PDS5A: variants seen among roughly 807,000 people sequenced by gnomAD.
The protein encoded by PDS5A is PDS5 cohesin associated factor A, also known as sister chromatid cohesion protein PDS5 homolog A.
A neutral mutation model predicts 167.1 loss-of-function variants in PDS5A; 42 were observed. The observed-to-expected ratio is 0.25, with a 90% CI of 0.20 to 0.33. The LOEUF (loss-of-function observed/expected upper bound fraction) is 0.33, where lower values mean the gene tolerates loss of function less well. PDS5A is among the 10% of genes least tolerant of loss of function. The pLI is 1.00. For synonymous variants in PDS5A, 553 were observed against 554.6 expected (o/e 1.00, Z 0.04); for missense variants, 1,033 against 1,605.9 (o/e 0.64, Z 6.10).
intron 1 of PDS5A, among the ~76,000 whole-genome samples, 197 bp from the exon 2 acceptor site, chr4:39,976,814 C>A (rs506392): frequency 0.13 from 19,210 of 152,168 alleles, 1,387 homozygotes; most frequent in African/African-American, 0.21. Flanking sequence ...CCCAGGCTCA[C>A]GGGGCTCCTC....
At chr4:39,883,818 T>C (rs1007554033) in intron 17 of PDS5A, among the ~76,000 whole-genome samples, 1 of 151,926 alleles carries the variant, frequency 6.6e-6, no homozygotes, top group Non-Finnish European at 1.5e-5. Context: ...TTTGTAGAGA[T>C]AGGGTTTTGC....
chr4:39,893,154 A>G (rs537740957), intron 16 of PDS5A, among the ~76,000 whole-genome samples: 2 of 152,328 alleles, frequency 1.3e-5, no homozygotes, highest in East Asian at 3.9e-4. Flanking sequence ...GACCACTCTC[A>G]TGGGGAGGGG....
chr4:39,853,518 TGC>T (rs1279342482), intron 26 of PDS5A, among the ~76,000 whole-genome samples: 2 of 152,220 alleles, frequency 1.3e-5, no homozygotes, highest in Non-Finnish European at 2.9e-5. Context: ...CAGTAGACTC[TGC>T]TCCTATATCA....
chr4:39,836,798 A>G (rs144812676), intron 32 of PDS5A, among the ~76,000 whole-genome samples: 6 of 131,706 alleles, frequency 4.6e-5, no homozygotes, highest in African/African-American at 1.6e-4. Flanking sequence ...TTTTACACAC[A>G]TGCTTCAGTA....
chr4:39,869,021 A>G (rs1719787435), intron 22 of PDS5A, among the ~76,000 whole-genome samples: 1 of 152,212 alleles, frequency 6.6e-6, no homozygotes, highest in Non-Finnish European at 1.5e-5. Flanking sequence ...CAGTCTCTCT[A>G]TAAAACAGCC....
chr4:39,914,301 A>C (rs1329453271), intron 8 of PDS5A, among the ~76,000 whole-genome samples: 3 of 150,738 alleles, frequency 2.0e-5, no homozygotes, highest in Non-Finnish European at 4.4e-5. Context: ...AGCTGGGATT[A>C]CAGGCGCCCA....
At chr4:39,896,477 A>T (rs1212157015) in intron 16 of PDS5A, among the ~76,000 whole-genome samples, 1 of 151,456 alleles carries the variant, frequency 6.6e-6, no homozygotes, top group Non-Finnish European at 1.5e-5. Context: ...CCTATTAAAA[A>T]TTTTTTTGGC....
At chr4:39,941,654 C>T (rs1243138429) in intron 2 of PDS5A, among the ~76,000 whole-genome samples, 2 of 152,152 alleles carry the variant, frequency 1.3e-5, no homozygotes, top group African/African-American at 4.8e-5. Context: ...GAGTTTAGCA[C>T]ATTAGAGCAA....
chr4:39,915,399 A>G (rs1263135927), intron 8 of PDS5A, among the ~76,000 whole-genome samples: 2 of 117,168 alleles, frequency 1.7e-5, no homozygotes, highest in Non-Finnish European at 3.4e-5. Flanking sequence ...TGGCTCTATC[A>G]CCCAGGCTGG....
In PDS5A at chr4:39,954,610, C is replaced by G. The variant is rs983017700; in HGVS notation, c.138+21830G>C. 4.7e-5 allele frequency among the ~76,000 whole-genome samples: 7 copies of G among 148,890 alleles called. No homozygotes were observed. In the South Asian group the frequency reaches 6.4e-4, roughly 14 times the overall value. On this transcript the variant is annotated intron_variant, in intron 2 of 32. Transcript: ENST00000303538. ...TGCTGGGATTACAGGTGTTAGCCAC[C>G]GTGCCCAGCCTGAAATACATTGTCA... is the stretch of plus-strand genomic sequence containing the variant.
intron 2 of PDS5A, among the ~76,000 whole-genome samples, chr4:39,945,775 T>C (rs1180759178): frequency 6.6e-6 from 1 of 152,230 alleles, no homozygotes; most frequent in Non-Finnish European, 1.5e-5. Flanking sequence ...GTACTCTGGC[T>C]TTCCTTTTCC....
In PDS5A at chr4:39,925,941, AAAT is replaced by A. The variant is rs1366504549; in HGVS notation, c.430-11_430-9del. On this transcript the variant is annotated splice_polypyrimidine_tract_variant and intron_variant, in intron 4 of 32. Coordinates refer to ENST00000303538, the MANE Select transcript of PDS5A (RefSeq NM_001100399.2). The stretch of plus-strand genomic sequence containing the variant: ...TTTAACCCAAGCTAAATTCTTAAAT[AAAT>A]AAAAATAATTATTGAATTATACATA... 1.9e-6 allele frequency: 2 copies of A among 1,025,798 alleles called. No homozygotes were observed. Among genetic ancestry groups the A allele is most frequent in the Admixed American group, 2.8e-5 (1 of 35,424 alleles). The allele number at this position is 1,025,798 out of a possible 1,614,324, so 63.5% of individuals were successfully genotyped here.
chr4:39,892,213 C>T (rs780262487), intron 16 of PDS5A, among the ~76,000 whole-genome samples: 4 of 152,174 alleles, frequency 2.6e-5, no homozygotes, highest in Non-Finnish European at 5.9e-5. Context: ...GCCGAGGTGA[C>T]GGATCGTTTG....
chr4:39,857,134 C>T (rs1275770567), intron 26 of PDS5A, among the ~76,000 whole-genome samples: 4 of 151,958 alleles, frequency 2.6e-5, no homozygotes, highest in African/African-American at 4.8e-5. Flanking sequence ...AGGTGGATCA[C>T]GAGGTCAGGA....
intron 7 of PDS5A, among the ~76,000 whole-genome samples, chr4:39,917,883 T>C (rs1369588723): frequency 6.6e-6 from 1 of 151,906 alleles, no homozygotes; most frequent in Non-Finnish European, 1.5e-5. Context: ...CCTCAACCTT[T>C]GATTTTTAAA....
At chr4:39,884,849 A>T (rs1245529985) in intron 17 of PDS5A, among the ~76,000 whole-genome samples, 1 of 152,164 alleles carries the variant, frequency 6.6e-6, no homozygotes, top group Non-Finnish European at 1.5e-5. Context: ...CTTCATTTTC[A>T]TCTACTTCCT....
At chr4:39,917,455 G>A (rs931814008) in intron 7 of PDS5A, among the ~76,000 whole-genome samples, 37 of 152,076 alleles carry the variant, frequency 2.4e-4, no homozygotes, top group African/African-American at 8.9e-4. Flanking sequence ...TTCAAATAAG[G>A]ACATTTCTAG....
intron 26 of PDS5A, among the ~76,000 whole-genome samples, chr4:39,858,882 A>C (rs1718754159): frequency 6.6e-6 from 1 of 152,136 alleles, no homozygotes; most frequent in South Asian, 2.1e-4. Context: ...TGCCCGGCTG[A>C]AAACACAGTA....
intron 11 of PDS5A, 78 bp from the exon 12 acceptor site, chr4:39,904,269 T>C: frequency 2.1e-6 from 2 of 962,700 alleles, no homozygotes; most frequent in Non-Finnish European, 3.1e-6. Context: ...TTGGCTTCAT[T>C]AGGTTGTACA....
Sources: allele counts gnomAD v4.1 joint callset (sites outside exome capture counted in the v4.1 genomes callset), GRCh38; gene constraint gnomAD v4.1.1; transcripts MANE v1.5; gene names NCBI Gene and HGNC (gene_info 2026-07-23, HGNC 2026-07-21).